PCDHGA8: variants seen among roughly 807,000 people sequenced by gnomAD.
PCDHGA8 encodes protocadherin gamma-A8.
PCDHGA8 carries 45 observed loss-of-function variants against 59.2 expected under a neutral mutation model. That is an observed-to-expected ratio of 0.76 (90% confidence interval 0.60 to 0.98). PCDHGA8 has a LOEUF of 0.98. Among genes scored for constraint, PCDHGA8 ranks in the 50% least tolerant of loss-of-function variants. The pLI, the probability that PCDHGA8 is intolerant of heterozygous loss-of-function variation, is 0.00. For missense variants in PCDHGA8, 1,257 were observed against 1,196.2 expected (o/e 1.05, Z -0.75); for synonymous variants, 531 against 519.0 (o/e 1.02, Z -0.32).
intron 1 of PCDHGA8, chr5:141,439,807 G>A (rs2098132839): frequency 6.6e-6 from 1 of 152,336 alleles, no homozygotes; most frequent in African/African-American, 2.4e-5. Context: ...AGTTTGAAAA[G>A]GGGCTTATTT....
At chr5:141,509,536 A>T (rs778275338) in intron 3 of PCDHGA8, among the ~76,000 whole-genome samples, 1 of 152,130 alleles carries the variant, frequency 6.6e-6, no homozygotes, top group Non-Finnish European at 1.5e-5. Context: ...AGGATGAAGC[A>T]CCATCTCATT....
chr5:141,409,883 C>CGGGTGCTGTACCCAGCTCT, intron 1 of PCDHGA8: 1 of 1,612,988 alleles, frequency 6.2e-7, no homozygotes, highest in Non-Finnish European at 8.5e-7. Context: ...CAACGCACCG[C>CGGGTGCTGTACCCAGCTCT]GGGTGCTGTA....
intron 1 of PCDHGA8, among the ~76,000 whole-genome samples, chr5:141,448,948 A>C (rs918513864): frequency 6.6e-6 from 1 of 152,170 alleles, no homozygotes; most frequent in African/African-American, 2.4e-5. Flanking sequence ...GCAACTCAAA[A>C]AAACAAACAA....
At chr5:141,445,188 GTATTCTA>G (rs1223900471) in intron 1 of PCDHGA8, among the ~76,000 whole-genome samples, 1 of 152,080 alleles carries the variant, frequency 6.6e-6, no homozygotes, top group Non-Finnish European at 1.5e-5. Context: ...ATGTTTTTAT[GTATTCTA>G]TATGCTTTTG....
chr5:141,491,528 C>T lies in PCDHGA8; in HGVS notation c.2425-3279C>T, dbSNP rs745806026. ...GGCACGCTCAAGTACATGGAGGTGACGCTGCGGCCCACAGACTCGCAGAGC... is the reference window on the plus strand; with the variant it reads ...GGCACGCTCAAGTACATGGAGGTGATGCTGCGGCCCACAGACTCGCAGAGC... On this transcript the variant is annotated intron_variant, in intron 1 of 3. Coordinates refer to ENST00000398604, the MANE Select transcript of PCDHGA8 (RefSeq NM_032088.2). The surrounding 1 kb of genome is among the most constrained non-coding windows in gnomAD (Gnocchi z 6.9). 4 of 1,613,950 alleles carry T rather than the reference C, an allele frequency of 2.5e-6. No individual in the cohort carries two copies. Among genetic ancestry groups the T allele is most frequent in the South Asian group, 1.1e-5 (1 of 91,092 alleles).
intron 1 of PCDHGA8, chr5:141,442,449 T>TA (rs1488731055): frequency 6.6e-6 from 1 of 152,210 alleles, no homozygotes; most frequent in African/African-American, 2.4e-5. Context: ...CAGGACTCAA[T>TA]AGCAGTTTCA....
Position 141,487,289 on chromosome 5 carries a change from G to A in PCDHGA8, c.2425-7518G>A. The A allele has an allele frequency of 1.2e-6, 2 of 1,614,096 alleles. No individual in the cohort carries two copies. The highest frequency in any genetic ancestry group is 1.7e-6 in the Non-Finnish European group (2 of 1,180,024). On this transcript the variant is annotated intron_variant, in intron 1 of 3. Coordinates refer to ENST00000398604, the MANE Select transcript of PCDHGA8 (RefSeq NM_032088.2). The surrounding 1 kb of genome is among the most constrained non-coding windows in gnomAD (Gnocchi z 5.0). ...AGTGGCAATTTGCTTTGTCTCCTTTGGCTCATTCGTGGCACTACTCTCTAA... is the reference window on the plus strand; with the variant it reads ...AGTGGCAATTTGCTTTGTCTCCTTTAGCTCATTCGTGGCACTACTCTCTAA...
intron 1 of PCDHGA8, chr5:141,478,860 A>C: frequency 1.9e-5 from 25 of 1,331,544 alleles, no homozygotes; most frequent in Middle Eastern, 2.6e-4. Context: ...ACAAGATCTC[A>C]GCGATCAGAG....
At chr5:141,437,887 G>A (rs1289693561) in intron 1 of PCDHGA8, among the ~76,000 whole-genome samples, 12 of 151,946 alleles carry the variant, frequency 7.9e-5, no homozygotes, top group Admixed American at 3.3e-4. Flanking sequence ...ACAGGCACAC[G>A]CCACCACACC....
chr5:141,440,464 G>A (rs2003094), intron 1 of PCDHGA8: 3,293 of 152,144 alleles, frequency 0.022, 52 homozygotes, highest in South Asian at 0.038. Context: ...ATGAACAAAC[G>A]GTAGTTGAAA....
chr5:141,501,425 G>A (rs1444899306), intron 2 of PCDHGA8, among the ~76,000 whole-genome samples: 1 of 151,726 alleles, frequency 6.6e-6, no homozygotes, highest in Non-Finnish European at 1.5e-5. Flanking sequence ...TTGACTAAAT[G>A]TAGTCCATTT....
Position 141,489,140 on chromosome 5 carries a change from G to A in PCDHGA8, c.2425-5667G>A. ...CCTCCGAGCAGTTTTTAAGAGGCTG[G>A]AAGGAGACATAAGAGACTTCAGCTG... is the stretch of plus-strand genomic sequence containing the variant. On this transcript the variant is annotated intron_variant, in intron 1 of 3. Transcript: ENST00000398604. The surrounding 1 kb of genome is among the most constrained non-coding windows in gnomAD (Gnocchi z 4.5). The A allele has an allele frequency of 1.2e-6, 1 of 841,390 alleles. No individual in the cohort carries two copies. Among genetic ancestry groups the A allele is most frequent in the South Asian group, 2.1e-5 (1 of 47,082 alleles). The allele number at this position is 841,390 out of a possible 1,614,324, so 52.1% of individuals were successfully genotyped here.
chr5:141,413,559 T>A, intron 1 of PCDHGA8: 1 of 1,613,862 alleles, frequency 6.2e-7, no homozygotes. Flanking sequence ...TAGAAGTAAC[T>A]GATATCAATG....
chr5:141,402,319 C>G lies in PCDHGA8; in HGVS notation c.2424+7082C>G, dbSNP rs181180510. On this transcript the variant is annotated intron_variant, in intron 1 of 3. Transcript: ENST00000398604. ...TGTATTAATACAATTATATATTTTA[C>G]ATTTACAAATATATAGGTATAAAAA... Among the ~76,000 whole-genome samples, 14 of 151,934 alleles carry G rather than the reference C, an allele frequency of 9.2e-5. No individual in the cohort carries two copies. In the East Asian group the frequency reaches 2.7e-3, roughly 29 times the overall value.
chr5:141,483,303 T>A (rs1222660132), intron 1 of PCDHGA8, among the ~76,000 whole-genome samples: 1 of 152,146 alleles, frequency 6.6e-6, no homozygotes, highest in Non-Finnish European at 1.5e-5. Context: ...GTGAAGGGAC[T>A]GGGGACATTG....
intron 1 of PCDHGA8, chr5:141,418,398 T>C (rs754177868): frequency 6.2e-7 from 1 of 1,613,842 alleles, no homozygotes; most frequent in South Asian, 1.1e-5. Flanking sequence ...TATTTCTCAT[T>C]GGTGGAGAAA....
intron 1 of PCDHGA8, among the ~76,000 whole-genome samples, chr5:141,435,157 A>G (rs1387976305): frequency 6.6e-6 from 1 of 152,176 alleles, no homozygotes; most frequent in Non-Finnish European, 1.5e-5. Context: ...AAACTTTTGT[A>G]AATAGAGTGG....
intron 1 of PCDHGA8, among the ~76,000 whole-genome samples, chr5:141,439,024 T>C (rs1278127532): frequency 2.0e-5 from 3 of 151,510 alleles, no homozygotes; most frequent in African/African-American, 7.3e-5. Flanking sequence ...ATTTTGAAAA[T>C]AGATGCCTCA....
chr5:141,491,454 C>G lies in PCDHGA8; in HGVS notation c.2425-3353C>G. ...GCTGCAGGCGCCAGGACTCACCCTCCCCGGACTTCTATAAGCAGTCCAGCC... is the reference window on the plus strand; with the variant it reads ...GCTGCAGGCGCCAGGACTCACCCTCGCCGGACTTCTATAAGCAGTCCAGCC... On this transcript the variant is annotated intron_variant, in intron 1 of 3. Coordinates refer to ENST00000398604, the MANE Select transcript of PCDHGA8 (RefSeq NM_032088.2). This position sits in a 1 kb window ranked among gnomAD's most constrained non-coding sequence, Gnocchi z 6.9. The G allele has an allele frequency of 6.2e-7, 1 of 1,614,120 alleles. No individual in the cohort carries two copies. Among genetic ancestry groups the G allele is most frequent in the Non-Finnish European group, 8.5e-7 (1 of 1,180,032 alleles).
Sources: allele counts gnomAD v4.1 joint callset (sites outside exome capture counted in the v4.1 genomes callset), GRCh38; gene constraint gnomAD v4.1.1; non-coding constraint Gnocchi (gnomAD v3.1); transcripts MANE v1.5; gene names NCBI Gene and HGNC (gene_info 2026-07-23, HGNC 2026-07-21).